SHISA9: variants seen among roughly 807,000 people sequenced by gnomAD.
SHISA9 encodes the protein shisa family member 9.
SHISA9 carries 13 observed loss-of-function variants against 38.0 expected under a neutral mutation model. That is an observed-to-expected ratio of 0.34 (90% confidence interval 0.22 to 0.54). The LOEUF is 0.54. Among genes scored for constraint, SHISA9 ranks in the 20% least tolerant of loss-of-function variants. The pLI is 0.91. For synonymous variants in SHISA9, 275 were observed against 242.0 expected (o/e 1.14, Z -1.27); for missense variants, 538 against 575.8 (o/e 0.93, Z 0.67).
At chr16:13,310,708 G>A in the SHISA9 span, among the ~76,000 whole-genome samples, 105 of 135,192 alleles carry the variant, frequency 7.8e-4, 1 homozygote, top group Middle Eastern at 8.3e-3. Context: ...TTTTTGAGAC[G>A]GAGTCTTGCT....
At chr16:13,544,038 A>G in the SHISA9 span, among the ~76,000 whole-genome samples, 1 of 152,122 alleles carries the variant, frequency 6.6e-6, no homozygotes, top group Non-Finnish European at 1.5e-5. Flanking sequence ...TAGCAACCCC[A>G]TGGACATGAA....
At chr16:13,344,258 G>A in the SHISA9 span, among the ~76,000 whole-genome samples, 2 of 152,190 alleles carry the variant, frequency 1.3e-5, no homozygotes, top group Admixed American at 1.3e-4. Context: ...AGAGTGATGG[G>A]ATTGGAGAAC....
At chr16:13,425,479 T>C in the SHISA9 span, among the ~76,000 whole-genome samples, 15 of 152,238 alleles carry the variant, frequency 9.9e-5, no homozygotes, top group African/African-American at 3.1e-4. Flanking sequence ...AGAGTGAGAC[T>C]TCGTCTCAAA....
chr16:13,248,288 G>T, the SHISA9 span, among the ~76,000 whole-genome samples: 1 of 152,098 alleles, frequency 6.6e-6, no homozygotes, highest in Admixed American at 6.5e-5. Flanking sequence ...AACAAATACA[G>T]AGCATCTACG....
chr16:13,355,732 A>C, the SHISA9 span, among the ~76,000 whole-genome samples: 1 of 152,172 alleles, frequency 6.6e-6, no homozygotes, highest in East Asian at 1.9e-4. Flanking sequence ...CGTATTGATT[A>C]AGAAAGGGAC....
chr16:13,367,941 A>C, the SHISA9 span, among the ~76,000 whole-genome samples: 3 of 152,228 alleles, frequency 2.0e-5, no homozygotes, highest in African/African-American at 7.2e-5. Flanking sequence ...ATTTTAGGGT[A>C]CATGTGCACA....
At chr16:13,349,120 A>C in the SHISA9 span, among the ~76,000 whole-genome samples, 97 of 152,330 alleles carry the variant, frequency 6.4e-4, 2 homozygotes, top group Non-Finnish European at 1.9e-4. Flanking sequence ...GAGATAGACA[A>C]GAGGCATATA....
chr16:13,116,030 C>G (rs1013661657), intron 2 of SHISA9, among the ~76,000 whole-genome samples: 1 of 152,152 alleles, frequency 6.6e-6, no homozygotes, highest in Non-Finnish European at 1.5e-5. Flanking sequence ...ATTCTTCATT[C>G]TGCCTTATGA....
chr16:13,456,842 C>G, the SHISA9 span, among the ~76,000 whole-genome samples: 136 of 152,332 alleles, frequency 8.9e-4, 5 homozygotes, highest in South Asian at 0.027. Flanking sequence ...TGGGGATACT[C>G]CATGCTTATC....
chr16:13,019,454 G>A (rs975213856), intron 2 of SHISA9, among the ~76,000 whole-genome samples: 11 of 151,798 alleles, frequency 7.2e-5, no homozygotes, highest in East Asian at 3.9e-4. Context: ...GCTCTCTGGC[G>A]TCTCTTTTTT....
At chr16:13,052,527 C>T (rs974786103) in intron 2 of SHISA9, among the ~76,000 whole-genome samples, 5 of 152,196 alleles carry the variant, frequency 3.3e-5, no homozygotes, top group African/African-American at 9.7e-5. Context: ...AAACTAAAGG[C>T]TGCCAATTAC....
chr16:13,133,395 T>C (rs1886570886), intron 2 of SHISA9, among the ~76,000 whole-genome samples: 1 of 152,186 alleles, frequency 6.6e-6, no homozygotes, highest in African/African-American at 2.4e-5. Flanking sequence ...AATAGTTTGG[T>C]AAGTAGTGGG....
chr16:13,246,586 G>T, the SHISA9 span, among the ~76,000 whole-genome samples: 2 of 152,172 alleles, frequency 1.3e-5, no homozygotes, highest in African/African-American at 4.8e-5. Context: ...ATCAGGCACT[G>T]GGTTAGGCAC....
intron 2 of SHISA9, among the ~76,000 whole-genome samples, chr16:13,081,353 C>G (rs926223557): frequency 3.9e-5 from 6 of 152,242 alleles, no homozygotes; most frequent in African/African-American, 1.2e-4. Context: ...GCAAAGACAA[C>G]TTTATAGCAC....
At chr16:12,903,389 C>T (rs2071048170) in intron 1 of SHISA9, among the ~76,000 whole-genome samples, 1 of 152,246 alleles carries the variant, frequency 6.6e-6, no homozygotes. Context: ...CCCTCACTTC[C>T]AAGCACCCTG....
At chr16:13,391,062 G>A in the SHISA9 span, among the ~76,000 whole-genome samples, 2 of 152,150 alleles carry the variant, frequency 1.3e-5, no homozygotes, top group African/African-American at 2.4e-5. Context: ...AAGAGGATGA[G>A]AATTAAAGAG....
intron 2 of SHISA9, among the ~76,000 whole-genome samples, chr16:13,135,172 A>G (rs901039757): frequency 3.3e-5 from 5 of 152,210 alleles, no homozygotes; most frequent in Non-Finnish European, 7.3e-5. Context: ...TTGAACAACA[A>G]CAGAATCTAC....
chr16:12,985,013 C>A (rs933877728), intron 2 of SHISA9, among the ~76,000 whole-genome samples: 5 of 152,160 alleles, frequency 3.3e-5, no homozygotes, highest in African/African-American at 1.2e-4. Flanking sequence ...GTTCCCTTCC[C>A]TGTCCTGCCC....
the SHISA9 span, among the ~76,000 whole-genome samples, chr16:13,476,531 AAGTGCTTAGGAGGATTTGAAATT>A: frequency 2.0e-5 from 3 of 152,046 alleles, no homozygotes; most frequent in African/African-American, 7.2e-5. Flanking sequence ...TGCATTATTA[AAGTGCTTAGGAGGATTTGAAATT>A]CAAAGTCAGT....
Sources: gnomAD v4.1 joint callset for allele counts (sites outside exome capture counted in the v4.1 genomes callset) on GRCh38, gnomAD v4.1.1 for gene constraint, MANE v1.5 for transcripts, NCBI Gene and HGNC (gene_info 2026-07-23, HGNC 2026-07-21) for gene names.